Variants in EYS observed in about 807,000 individuals in gnomAD.
EYS encodes protein eyes shut homolog.
In EYS, 250 loss-of-function variants were observed where a neutral mutation model predicts 282.1. The observed-to-expected ratio is 0.89, with a 90% CI of 0.80 to 0.98. The LOEUF (loss-of-function observed/expected upper bound fraction) is 0.98. Ranked by LOEUF, EYS falls within the 50% of genes least tolerant of loss-of-function variation. The pLI, the probability that EYS is intolerant of heterozygous loss-of-function variation, is 0.00. For missense variants in EYS, 4,016 were observed against 3,709.0 expected (o/e 1.08, Z -2.15); for synonymous variants, 1,355 against 1,282.9 (o/e 1.06, Z -1.20).
intron 31 of EYS, among the ~76,000 whole-genome samples, chr6:64,119,587 A>T (rs2150272679): frequency 6.6e-6 from 1 of 152,364 alleles, no homozygotes; most frequent in South Asian, 2.1e-4. Context: ...TTTAATAAAC[A>T]TTTAGTGAGT....
chr6:64,060,377 G>A (rs540531232), intron 33 of EYS, among the ~76,000 whole-genome samples: 1 of 152,252 alleles, frequency 6.6e-6, no homozygotes, highest in African/African-American at 2.4e-5. Flanking sequence ...AAGCTGCAAT[G>A]CAGAGGATAT....
intron 12 of EYS, among the ~76,000 whole-genome samples, chr6:65,122,466 A>G (rs954869765): frequency 7.9e-5 from 12 of 152,144 alleles, no homozygotes; most frequent in African/African-American, 2.9e-4. Flanking sequence ...AAAATTTGAT[A>G]GTCTTGAAAC....
chr6:64,826,141 C>T (rs1158459451), intron 19 of EYS, among the ~76,000 whole-genome samples: 1 of 151,816 alleles, frequency 6.6e-6, no homozygotes, highest in Non-Finnish European at 1.5e-5. Context: ...ATGTGTCAAT[C>T]AGAGTTCTAG....
intron 29 of EYS, among the ~76,000 whole-genome samples, chr6:64,327,773 A>C (rs532697723): frequency 6.6e-6 from 1 of 152,292 alleles, no homozygotes; most frequent in South Asian, 2.1e-4. Flanking sequence ...CCACCTGAAG[A>C]GTTAGAAAGT....
chr6:64,550,313 C>G (rs937332140), intron 26 of EYS, among the ~76,000 whole-genome samples: 3 of 152,188 alleles, frequency 2.0e-5, no homozygotes, highest in Non-Finnish European at 4.4e-5. Flanking sequence ...AATCGCCACT[C>G]TGACTTCCAT....
intron 1 of EYS, among the ~76,000 whole-genome samples, chr6:65,650,683 G>A (rs1009685793): frequency 1.6e-4 from 24 of 152,084 alleles, no homozygotes; most frequent in African/African-American, 5.8e-4. Context: ...AAGCGTTTCG[G>A]GAGGATGTTT....
chr6:65,649,843 A>T (rs1052708421), intron 1 of EYS, among the ~76,000 whole-genome samples: 1 of 152,204 alleles, frequency 6.6e-6, no homozygotes, highest in African/African-American at 2.4e-5. Flanking sequence ...TCACCTGTAG[A>T]TGACAATGGG....
chr6:65,481,172 C>G (rs185158469), intron 5 of EYS, among the ~76,000 whole-genome samples: 44 of 152,168 alleles, frequency 2.9e-4, no homozygotes, highest in Admixed American at 9.2e-4. Flanking sequence ...GTTAATTACT[C>G]TGATTTGATC....
intron 22 of EYS, among the ~76,000 whole-genome samples, chr6:64,702,605 T>C (rs753911089): frequency 5.9e-5 from 9 of 152,146 alleles, no homozygotes; most frequent in Non-Finnish European, 1.0e-4. Context: ...AGTTCTCCTG[T>C]GTAATAACTG....
intron 12 of EYS, among the ~76,000 whole-genome samples, chr6:65,070,477 C>A (rs1456832658): frequency 1.3e-5 from 2 of 151,798 alleles, no homozygotes; most frequent in South Asian, 2.1e-4. Context: ...TTCTCTCAAT[C>A]TCCTACAATA....
intron 2 of EYS, among the ~76,000 whole-genome samples, chr6:65,519,744 C>G (rs1188619746): frequency 2.9e-5 from 2 of 68,644 alleles, no homozygotes; most frequent in African/African-American, 6.0e-5. Context: ...GAGATAAGAT[C>G]TTGCTCTGTC....
chr6:64,868,910 C>T (rs71570700), intron 19 of EYS, among the ~76,000 whole-genome samples: 9,889 of 151,350 alleles, frequency 0.065, 445 homozygotes, highest in African/African-American at 0.12. Flanking sequence ...GTGTTCTTTC[C>T]CTTTTGATTT....
intron 13 of EYS, among the ~76,000 whole-genome samples, chr6:64,998,230 G>T (rs1771340383): frequency 6.6e-6 from 1 of 152,084 alleles, no homozygotes; most frequent in South Asian, 2.1e-4. Context: ...GTAAAATAAT[G>T]ATCACAATTT....
Position 64,626,191 on chromosome 6 carries a change from A to T in EYS, c.3498T>A (p.Ser1166=). Residue 1166 remains serine (S), a synonymous_variant, in exon 23 of 43, where the codon TCT becomes TCA. Coordinates refer to ENST00000503581, the MANE Select transcript of EYS (RefSeq NM_001142800.2). ...CTGCACCATGTAGACATGGTGATGA[A>T]GAGCATTCATTTATATTAATTTCAC... ...QFCEININEC[S]SSPCLHGADC... 6.5e-7 allele frequency: 1 copy of T among 1,540,622 alleles called. No homozygotes were observed. The highest frequency in any genetic ancestry group is 8.7e-7 in the Non-Finnish European group (1 of 1,144,130).
chr6:64,583,056 C>T (rs1245106264), intron 26 of EYS, among the ~76,000 whole-genome samples: 5 of 152,074 alleles, frequency 3.3e-5, no homozygotes, highest in African/African-American at 4.8e-5. Flanking sequence ...TATATTGTTA[C>T]AAAAGATTCT....
At chr6:64,237,329 T>G (rs1394030497) in intron 30 of EYS, among the ~76,000 whole-genome samples, 1 of 152,140 alleles carries the variant, frequency 6.6e-6, no homozygotes, top group Non-Finnish European at 1.5e-5. Context: ...TTGCAGGTAA[T>G]GTATAGTAAA....
intron 22 of EYS, among the ~76,000 whole-genome samples, chr6:64,761,369 A>G (rs187948384): frequency 1.3e-5 from 2 of 152,334 alleles, no homozygotes; most frequent in Non-Finnish European, 2.9e-5. Flanking sequence ...TAAACAATGG[A>G]TAAGACCTAC....
chr6:64,080,361 T>G (rs1771921608), intron 32 of EYS, among the ~76,000 whole-genome samples: 1 of 152,242 alleles, frequency 6.6e-6, no homozygotes, highest in Admixed American at 6.5e-5. Context: ...TGTCTTCTTT[T>G]GAGAAGTGTC....
At chr6:65,632,456 A>C (rs1239714121) in intron 2 of EYS, among the ~76,000 whole-genome samples, 4 of 152,216 alleles carry the variant, frequency 2.6e-5, no homozygotes, top group African/African-American at 9.6e-5. Context: ...CACTAACTCT[A>C]TAAAGACAAA....
Sources: gnomAD v4.1 joint callset for allele counts (sites outside exome capture counted in the v4.1 genomes callset) on GRCh38, gnomAD v4.1.1 for gene constraint, MANE v1.5 for transcripts, NCBI Gene and HGNC (gene_info 2026-07-23, HGNC 2026-07-21) for gene names.